Variants in RGS6 observed in about 807,000 individuals in gnomAD.
RGS6 encodes the protein regulator of G-protein signaling 6.
RGS6 carries 30 observed loss-of-function variants against 78.5 expected under a neutral mutation model. The observed-to-expected ratio is 0.38, with a 90% CI of 0.29 to 0.52. RGS6 has a LOEUF of 0.52. Among genes scored for constraint, RGS6 ranks in the 20% least tolerant of loss-of-function variants. RGS6 has a pLI of 0.85. For missense variants in RGS6, 495 were observed against 609.7 expected (o/e 0.81, Z 1.98); for synonymous variants, 206 against 206.0 (o/e 1.00, Z 0.00).
chr14:72,484,528 G>GT (rs887631302), intron 12 of RGS6, among the ~76,000 whole-genome samples: 65 of 150,208 alleles, frequency 4.3e-4, no homozygotes, highest in African/African-American at 8.9e-4. Context: ...GTTTTGTGTG[G>GT]TTTTTTTTTG....
At chr14:71,880,153 G>A in the RGS6 span, among the ~76,000 whole-genome samples, 4 of 152,200 alleles carry the variant, frequency 2.6e-5, no homozygotes, top group Non-Finnish European at 5.9e-5. Context: ...TGAGGGAGAT[G>A]ATTTAGGGTA....
intron 2 of RGS6, among the ~76,000 whole-genome samples, chr14:72,223,665 G>A (rs76529173): frequency 0.021 from 3,219 of 152,356 alleles, 95 homozygotes; most frequent in African/African-American, 0.073. Context: ...AAGGTCAGAT[G>A]AGTCTTATTC....
chr14:72,469,771 A>G, intron 7 of RGS6: 1 of 401,958 alleles, frequency 2.5e-6, no homozygotes, highest in Non-Finnish European at 4.4e-6. Context: ...GAGAGGAATC[A>G]GGTGAACCAT....
intron 15 of RGS6, among the ~76,000 whole-genome samples, chr14:72,520,774 A>G (rs2097026489): frequency 6.6e-6 from 1 of 152,316 alleles, no homozygotes; most frequent in East Asian, 1.9e-4. Flanking sequence ...GTTTAAACAT[A>G]TATGCTATGT....
chr14:72,356,305 C>T (rs931078796), intron 3 of RGS6, among the ~76,000 whole-genome samples: 1 of 152,112 alleles, frequency 6.6e-6, no homozygotes, highest in Non-Finnish European at 1.5e-5. Flanking sequence ...AAGTGTGGCA[C>T]TTCCCCCTGC....
At chr14:71,927,974 T>TA (rs1186501769), upstream of RGS6, among the ~76,000 whole-genome samples, 1 of 152,110 alleles carries the variant, frequency 6.6e-6, no homozygotes, top group Non-Finnish European at 1.5e-5. Context: ...CCTTTTTTTT[T>TA]AAACCTCAGA....
chr14:72,113,651 C>T (rs763835770), intron 2 of RGS6, among the ~76,000 whole-genome samples: 3 of 152,362 alleles, frequency 2.0e-5, no homozygotes, highest in Non-Finnish European at 2.9e-5. Context: ...AGGGCTCTGC[C>T]AGACTGCTCT....
chr14:72,521,790 G>A (rs939071505), intron 15 of RGS6, among the ~76,000 whole-genome samples: 3 of 152,160 alleles, frequency 2.0e-5, no homozygotes, highest in African/African-American at 7.2e-5. Flanking sequence ...CTGTAGAACA[G>A]GGATACAATG....
intron 2 of RGS6, among the ~76,000 whole-genome samples, chr14:72,237,297 A>G (rs2051362903): frequency 6.6e-6 from 1 of 152,304 alleles, no homozygotes; most frequent in East Asian, 1.9e-4. Context: ...ATTATGAAGA[A>G]AATTGCTGTG....
intron 14 of RGS6, among the ~76,000 whole-genome samples, chr14:72,511,250 A>T (rs1240018036): frequency 2.0e-5 from 3 of 152,196 alleles, no homozygotes; most frequent in African/African-American, 7.2e-5. Flanking sequence ...TTCTTTAAAG[A>T]TGTCTTAATA....
chr14:72,206,854 T>G (rs937657243), intron 2 of RGS6, among the ~76,000 whole-genome samples: 1 of 4,720 alleles, frequency 2.1e-4, no homozygotes, highest in African/African-American at 1.9e-3. Flanking sequence ...ATGTCATATA[T>G]GTATATATAT....
chr14:72,402,403 AG>A (rs1433494361), intron 3 of RGS6, among the ~76,000 whole-genome samples: 1 of 152,232 alleles, frequency 6.6e-6, no homozygotes, highest in Non-Finnish European at 1.5e-5. Flanking sequence ...CTAACTGGAA[AG>A]AAAACAATAA....
At chr14:72,299,609 G>T (rs2065625580) in intron 2 of RGS6, among the ~76,000 whole-genome samples, 1 of 152,200 alleles carries the variant, frequency 6.6e-6, no homozygotes, top group South Asian at 2.1e-4. Flanking sequence ...AGTGCAGGAG[G>T]ATTTCAATTT....
At chr14:72,054,490 C>T (rs963035850) in intron 2 of RGS6, among the ~76,000 whole-genome samples, 33 of 152,162 alleles carry the variant, frequency 2.2e-4, no homozygotes, top group African/African-American at 7.0e-4. Flanking sequence ...AATCATTGAA[C>T]GTCCCTTGAA....
chr14:71,953,642 A>G (rs2092537695), intron 1 of RGS6, among the ~76,000 whole-genome samples: 3 of 152,334 alleles, frequency 2.0e-5, no homozygotes, highest in African/African-American at 2.4e-5. Flanking sequence ...TTAGGCATTC[A>G]TATGCTAGCC....
At chr14:72,336,932 A>G (rs2076136823) in intron 2 of RGS6, among the ~76,000 whole-genome samples, 1 of 151,614 alleles carries the variant, frequency 6.6e-6, no homozygotes, top group African/African-American at 2.4e-5. Flanking sequence ...TTTTATAAGG[A>G]CATCAGTCAT....
the RGS6 span, among the ~76,000 whole-genome samples, chr14:72,590,387 A>G: frequency 6.6e-6 from 1 of 152,238 alleles, no homozygotes; most frequent in South Asian, 2.1e-4. Flanking sequence ...AACAACCCAA[A>G]TGTTCACCGA....
chr14:72,490,456 G>A (rs952812747), intron 12 of RGS6, among the ~76,000 whole-genome samples: 2 of 152,208 alleles, frequency 1.3e-5, no homozygotes. Context: ...CTGGCCCCAG[G>A]GAAGATGCAT....
intron 2 of RGS6, among the ~76,000 whole-genome samples, chr14:71,970,134 G>A (rs2093718933): frequency 6.6e-6 from 1 of 152,154 alleles, no homozygotes; most frequent in African/African-American, 2.4e-5. Context: ...TTATCATTTT[G>A]TAGTATTAAT....
Sources: gnomAD v4.1 joint callset for allele counts (sites outside exome capture counted in the v4.1 genomes callset) on GRCh38, gnomAD v4.1.1 for gene constraint, MANE v1.5 for transcripts, NCBI Gene and HGNC (gene_info 2026-07-23, HGNC 2026-07-21) for gene names.